The following LIN52 variants were observed in gnomAD, a reference collection of about 807,000 sequenced individuals.
LIN52 encodes the protein lin-52 DREAM MuvB core complex component, also known as protein lin-52 homolog.
Under a neutral mutation model 18.5 loss-of-function variants are expected in LIN52, and 4 were observed. The ratio of observed to expected loss-of-function variants is 0.22; its 90% CI spans 0.11 to 0.49. The LOEUF is 0.49. LIN52 is among the 20% of genes least tolerant of loss of function. The probability of loss-of-function intolerance (pLI) is 0.97; values close to 1 mark genes in which losing one functional copy is unlikely to be tolerated. For missense variants in LIN52, 102 were observed against 139.5 expected, an observed-to-expected ratio of 0.73 and a Z score of 1.35; for synonymous variants, 34 against 45.5, an observed-to-expected ratio of 0.75 and a Z score of 1.02.
intron 5 of LIN52, among the ~76,000 whole-genome samples, chr14:74,163,292 C>A (rs548135319): frequency 6.6e-6 from 1 of 152,092 alleles, no homozygotes; most frequent in Non-Finnish European, 1.5e-5. Context: ...ATTGCCCGGG[C>A]TGGTCTCAAA....
chr14:74,118,229 C>G (rs115158995), intron 5 of LIN52, among the ~76,000 whole-genome samples: 274 of 151,878 alleles, frequency 1.8e-3, no homozygotes, highest in African/African-American at 6.2e-3. Context: ...CCACTGCGTT[C>G]CAGTCTGGAT....
intron 5 of LIN52, among the ~76,000 whole-genome samples, chr14:74,175,940 A>G (rs1246594392): frequency 6.6e-6 from 1 of 152,126 alleles, no homozygotes; most frequent in Non-Finnish European, 1.5e-5. Flanking sequence ...TGATCAGGCC[A>G]CTGCACTCCT....
rs71115969 is a variant in LIN52, at chr14:74,185,309, CTTTTTT to C, written c.284-13595_284-13590del. 8.9e-5 allele frequency among the ~76,000 whole-genome samples: 7 copies of C among 78,792 alleles called. 1 individual carries two copies. The Admixed American group carries it at 1.0e-3, about 11-fold the overall frequency. 51.7% of individuals were successfully genotyped at this position (78,792 alleles called of 152,430 possible). A position where few individuals can be genotyped will look rare whatever the true frequency, so the allele number is the denominator to read the frequency against. On this transcript the variant is annotated intron_variant, in intron 5 of 5. Transcript: ENST00000555028. ...AATATATTTGATTTTATAATGATTTCTTTTTTTTTTTTTTTTTTTTTTTGAGATGGA... is the reference window on the plus strand; with the variant it reads ...AATATATTTGATTTTATAATGATTTCTTTTTTTTTTTTTTTTTGAGATGGA...
rs116226041 is a variant in LIN52 at position 74,097,867 on chromosome 14, G to A, written c.199+7G>A. On this transcript the variant is annotated splice_region_variant and intron_variant, in intron 4 of 5. Coordinates refer to ENST00000555028, the MANE Select transcript of LIN52 (RefSeq NM_001024674.3). ...GACATCGACATGTTGAAAGGTAAGT[G>A]ATGCTAGTTACCACTTTTAACTGGA... 2,047 of 1,599,456 alleles carry A rather than the reference G, an allele frequency of 1.3e-3. 28 individuals carry two copies. In the African/African-American group the frequency reaches 0.025, roughly 20 times the overall value.
At chr14:74,171,617 G>T (rs1314702553) in intron 5 of LIN52, among the ~76,000 whole-genome samples, 1 of 151,668 alleles carries the variant, frequency 6.6e-6, no homozygotes, top group Non-Finnish European at 1.5e-5. Context: ...AAAGAATGTT[G>T]TCTAAAAAGT....
chr14:74,149,543 A>C (rs1171635510), intron 5 of LIN52, among the ~76,000 whole-genome samples: 3 of 152,132 alleles, frequency 2.0e-5, no homozygotes, highest in Non-Finnish European at 4.4e-5. Context: ...AAATAGGAGA[A>C]ATCTTTGGGG....
chr14:74,116,208 C>G (rs2060963650), intron 5 of LIN52, among the ~76,000 whole-genome samples: 1 of 152,056 alleles, frequency 6.6e-6, no homozygotes, highest in Non-Finnish European at 1.5e-5. Flanking sequence ...GAGACTGAGG[C>G]ATGAGAATCG....
chr14:74,125,321 A>G (rs75643504), intron 5 of LIN52, among the ~76,000 whole-genome samples: 21,835 of 152,082 alleles, frequency 0.14, 2,110 homozygotes, highest in East Asian at 0.58. Context: ...CTGGTGTGAG[A>G]TGGTATCTCA....
intron 5 of LIN52, among the ~76,000 whole-genome samples, chr14:74,146,017 T>C (rs1282633348): frequency 1.3e-5 from 2 of 152,212 alleles, no homozygotes; most frequent in African/African-American, 4.8e-5. Context: ...CATAGAGCTC[T>C]GTGAGGATAT....
chr14:74,129,698 A>G (rs1031582336), intron 5 of LIN52, among the ~76,000 whole-genome samples: 4 of 152,152 alleles, frequency 2.6e-5, no homozygotes, highest in African/African-American at 9.7e-5. Context: ...ACAAAAAATA[A>G]TTAGCCAGGT....
chr14:74,113,976 TTTTTC>T (rs1309971826), intron 5 of LIN52: 14 of 180,958 alleles, frequency 7.7e-5, no homozygotes, highest in East Asian at 1.8e-4. Flanking sequence ...TTTTCTTTTT[TTTTTC>T]TTTTCTTTTC....
At chr14:74,180,412 C>T (rs965233003) in intron 5 of LIN52, among the ~76,000 whole-genome samples, 6 of 151,782 alleles carry the variant, frequency 4.0e-5, no homozygotes, top group African/African-American at 1.2e-4. Context: ...ACTACAGGCG[C>T]CTGCCACCAT....
chr14:74,158,125 A>ATATTTTTT (rs1490797271), intron 5 of LIN52, among the ~76,000 whole-genome samples: 13 of 147,692 alleles, frequency 8.8e-5, no homozygotes, highest in Non-Finnish European at 1.3e-4. Context: ...ATATATATAT[A>ATATTTTTT]TTTTTTTGAG....
intron 5 of LIN52, among the ~76,000 whole-genome samples, chr14:74,198,059 C>A (rs1297029639): frequency 6.6e-6 from 1 of 152,240 alleles, no homozygotes; most frequent in Non-Finnish European, 1.5e-5. Flanking sequence ...CGATCAGAAA[C>A]TTTCTGCACT....
intron 5 of LIN52, among the ~76,000 whole-genome samples, chr14:74,103,429 T>A (rs2060873555): frequency 2.0e-4 from 2 of 10,104 alleles, no homozygotes; most frequent in Non-Finnish European, 3.0e-4. Context: ...AATGTAAGAT[T>A]TTTTTTTTTT....
At chr14:74,177,441 T>C (rs2061298904) in intron 5 of LIN52, among the ~76,000 whole-genome samples, 1 of 152,184 alleles carries the variant, frequency 6.6e-6, no homozygotes, top group African/African-American at 2.4e-5. Flanking sequence ...AGATAAAGTT[T>C]TAACTTAATG....
intron 5 of LIN52, among the ~76,000 whole-genome samples, chr14:74,152,447 A>G (rs562654076): frequency 1.3e-5 from 2 of 152,232 alleles, no homozygotes; most frequent in East Asian, 1.9e-4. Context: ...ACTAATAGGT[A>G]CTTCATTCAC....
Position 74,198,989 on chromosome 14 carries a change from G to C in LIN52, c.*12G>C, listed in dbSNP as rs375113035. On this transcript the variant is annotated 3_prime_UTR_variant, in exon 6 of 6. Coordinates refer to ENST00000555028, the MANE Select transcript of LIN52 (RefSeq NM_001024674.3). Reference sequence around the variant, plus strand: ...AGCCCAAGAAGTAGCAGCTGCTTGCGGACAGGATGTCCTGGGGTCCGAAAC... The same window carrying C: ...AGCCCAAGAAGTAGCAGCTGCTTGCCGACAGGATGTCCTGGGGTCCGAAAC... 3 of 1,603,340 alleles carry C rather than the reference G, an allele frequency of 1.9e-6. No individual in the cohort carries two copies. The highest frequency in any genetic ancestry group is 1.3e-5 in the African/African-American group (1 of 74,778).
intron 5 of LIN52, among the ~76,000 whole-genome samples, chr14:74,128,648 AAAG>A (rs1211595018): frequency 2.6e-5 from 4 of 152,210 alleles, no homozygotes; most frequent in Admixed American, 1.3e-4. Context: ...GCTTTTTACT[AAAG>A]AACGCTGTGG....
Sources: allele counts gnomAD v4.1 joint callset (sites outside exome capture counted in the v4.1 genomes callset), GRCh38; gene constraint gnomAD v4.1.1; transcripts MANE v1.5; gene names NCBI Gene and HGNC (gene_info 2026-07-23, HGNC 2026-07-21).